The following AOAH variants were observed in gnomAD, a reference collection of about 807,000 sequenced individuals.
AOAH encodes acyloxyacyl hydrolase, also known as acyloxyacyl hydrolase (neutrophil).
AOAH carries 64 observed loss-of-function variants against 92.2 expected under a neutral mutation model. That is an observed-to-expected ratio of 0.69 (90% CI 0.57 to 0.86). The LOEUF (loss-of-function observed/expected upper bound fraction) is 0.86. Ranked by LOEUF, AOAH falls within the 40% of genes least tolerant of loss-of-function variation. The pLI, the probability that AOAH is intolerant of heterozygous loss-of-function variation, is 0.00. For missense variants in AOAH, 656 were observed against 694.6 expected (o/e 0.94, Z 0.62); for synonymous variants, 263 against 254.5 (o/e 1.03, Z -0.32).
chr7:36,669,263 C>G lies in AOAH; in HGVS notation c.290+4680G>C, dbSNP rs141644957. Reference sequence around the variant, plus strand: ...GAACTGGAAGATCTTCTTCATATAACTTAATACTTTTATCTTGTTTCTAGG... The same window carrying G: ...GAACTGGAAGATCTTCTTCATATAAGTTAATACTTTTATCTTGTTTCTAGG... On this transcript the variant is annotated intron_variant, in intron 3 of 20. Transcript: ENST00000617537. Among the ~76,000 whole-genome samples, 6 of 152,030 alleles carry G rather than the reference C, an allele frequency of 3.9e-5. No individual in the cohort carries two copies. In the East Asian group the frequency reaches 7.7e-4, roughly 20 times the overall value.
At chr7:36,549,303 T>G in intron 14 of AOAH, 136 bp downstream of exon 14, 2 of 678,964 alleles carry the variant, frequency 2.9e-6, no homozygotes, top group Non-Finnish European at 5.2e-6. Flanking sequence ...GCCCAAGGAG[T>G]GATATCCTTG....
intron 6 of AOAH, among the ~76,000 whole-genome samples, chr7:36,627,556 C>A (rs199690479): frequency 1.3e-4 from 17 of 133,760 alleles, no homozygotes; most frequent in African/African-American, 3.4e-4. Flanking sequence ...AAAAAAAAAA[C>A]AAAACAAAAC....
At chr7:36,601,966 T>C (rs1790641429) in intron 11 of AOAH, among the ~76,000 whole-genome samples, 1 of 152,152 alleles carries the variant, frequency 6.6e-6, no homozygotes, top group South Asian at 2.1e-4. Context: ...CCAAATTTAG[T>C]GACTTAAAAT....
intron 7 of AOAH, 134 bp from the exon 8 acceptor site, chr7:36,621,914 A>T: frequency 2.6e-6 from 2 of 759,136 alleles, no homozygotes; most frequent in Non-Finnish European, 4.7e-6. Context: ...ATCACTAAAG[A>T]GCACTAAGAA....
At chr7:36,636,395 C>T (rs1447254996) in intron 5 of AOAH, among the ~76,000 whole-genome samples, 1 of 152,092 alleles carries the variant, frequency 6.6e-6, no homozygotes, top group African/African-American at 2.4e-5. Context: ...GAGTTAATGC[C>T]AAGGCAGTTT....
At chr7:36,617,615 G>GT (rs1791995143) in intron 10 of AOAH, among the ~76,000 whole-genome samples, 1 of 152,086 alleles carries the variant, frequency 6.6e-6, no homozygotes, top group African/African-American at 2.4e-5. Context: ...AATGAATGAG[G>GT]TGATTGTGGA....
chr7:36,633,375 G>A (rs2116256603), intron 5 of AOAH, among the ~76,000 whole-genome samples: 1 of 152,324 alleles, frequency 6.6e-6, no homozygotes, highest in East Asian at 1.9e-4. Flanking sequence ...TCACAGATGA[G>A]GAGTATTGAT....
intron 1 of AOAH, among the ~76,000 whole-genome samples, chr7:36,716,812 G>A (rs1462290808): frequency 1.3e-5 from 2 of 151,722 alleles, no homozygotes; most frequent in Admixed American, 6.6e-5. Context: ...ATCACACACC[G>A]GGGCCTGTTG....
At chr7:36,542,059 GT>G (rs1192263914) in intron 15 of AOAH, among the ~76,000 whole-genome samples, 14 of 152,264 alleles carry the variant, frequency 9.2e-5, no homozygotes, top group African/African-American at 3.4e-4. Flanking sequence ...GGTCTTCATG[GT>G]TGTCATTAGT....
intron 3 of AOAH, 145 bp downstream of exon 3, chr7:36,673,798 C>A: frequency 1.8e-6 from 1 of 570,556 alleles, no homozygotes; most frequent in Non-Finnish European, 3.1e-6. Context: ...TTCCAATTTT[C>A]CACTATTACT....
chr7:36,682,821 T>G (rs1360189464), intron 2 of AOAH, among the ~76,000 whole-genome samples: 2 of 151,588 alleles, frequency 1.3e-5, no homozygotes, highest in Non-Finnish European at 2.9e-5. Flanking sequence ...ATAAAGAGAT[T>G]AAAATAAATT....
chr7:36,615,895 T>C (rs947729214), intron 11 of AOAH, among the ~76,000 whole-genome samples: 40 of 151,166 alleles, frequency 2.6e-4, no homozygotes, highest in African/African-American at 9.3e-4. Context: ...TTTTTTTTTA[T>C]TAAAAAACCC....
At chr7:36,587,688 T>C (rs1789444795) in intron 12 of AOAH, among the ~76,000 whole-genome samples, 1 of 152,206 alleles carries the variant, frequency 6.6e-6, no homozygotes, top group Non-Finnish European at 1.5e-5. Flanking sequence ...TCTTAGACTC[T>C]TAGGAAACTG....
At chr7:36,696,723 G>C (rs1259005274) in intron 1 of AOAH, among the ~76,000 whole-genome samples, 2 of 151,950 alleles carry the variant, frequency 1.3e-5, no homozygotes, top group Non-Finnish European at 2.9e-5. Context: ...AACTGGGCAT[G>C]GTGGTGCATG....
At chr7:36,595,646 G>A (rs1037465479) in intron 11 of AOAH, among the ~76,000 whole-genome samples, 1 of 152,216 alleles carries the variant, frequency 6.6e-6, no homozygotes, top group Non-Finnish European at 1.5e-5. Flanking sequence ...GCAATGGTTG[G>A]AACATACTTA....
At chr7:36,713,729 G>A (rs1032921515) in intron 1 of AOAH, among the ~76,000 whole-genome samples, 1 of 152,156 alleles carries the variant, frequency 6.6e-6, no homozygotes, top group Non-Finnish European at 1.5e-5. Context: ...AATGACTACT[G>A]GGTACATAAC....
chr7:36,607,360 G>A (rs1000239915), intron 11 of AOAH, among the ~76,000 whole-genome samples: 13 of 152,176 alleles, frequency 8.5e-5, no homozygotes, highest in African/African-American at 3.1e-4. Context: ...GGAATGGAAC[G>A]AAACATGTCT....
intron 13 of AOAH, among the ~76,000 whole-genome samples, chr7:36,559,757 T>C (rs1283667133): frequency 2.0e-5 from 3 of 152,202 alleles, no homozygotes; most frequent in Admixed American, 6.5e-5. Context: ...CACTTGTCAA[T>C]TTTTGTTTTT....
At chr7:36,543,753 T>G (rs558760716) in intron 15 of AOAH, among the ~76,000 whole-genome samples, 2 of 152,260 alleles carry the variant, frequency 1.3e-5, no homozygotes, top group South Asian at 4.1e-4. Context: ...CCAGTTATCT[T>G]TGTTCCACCT....
Sources: allele counts gnomAD v4.1 joint callset (sites outside exome capture counted in the v4.1 genomes callset), GRCh38; gene constraint gnomAD v4.1.1; transcripts MANE v1.5; gene names NCBI Gene and HGNC (gene_info 2026-07-23, HGNC 2026-07-21).